Variants in PKHD1L1 observed in about 807,000 individuals in gnomAD.
PKHD1L1 encodes the protein fibrocystin-L.
In PKHD1L1, 434 loss-of-function variants were observed where a neutral mutation model predicts 462.9. The observed-to-expected ratio is 0.94, with a 90% CI of 0.87 to 1.02. The LOEUF (loss-of-function observed/expected upper bound fraction) is 1.02. Ranked by LOEUF, PKHD1L1 falls within the 50% of genes least tolerant of loss-of-function variation. PKHD1L1 has a pLI of 0.00. For synonymous variants in PKHD1L1, 1,781 were observed against 1,750.0 expected, an observed-to-expected ratio of 1.02 and a Z score of -0.44; for missense variants, 5,202 against 5,096.1, an observed-to-expected ratio of 1.02 and a Z score of -0.63.
intron 67 of PKHD1L1, among the ~76,000 whole-genome samples, chr8:109,502,366 G>A (rs1238261126): frequency 6.6e-6 from 1 of 152,170 alleles, no homozygotes; most frequent in Non-Finnish European, 1.5e-5. Flanking sequence ...GTAAGGCTCT[G>A]TTGAGGTCCC....
chr8:109,400,388 T>C (rs754823471), intron 13 of PKHD1L1, 44 bp downstream of exon 13: 2 of 1,550,302 alleles, frequency 1.3e-6, no homozygotes, highest in South Asian at 1.2e-5. Context: ...AAAAACATTA[T>C]GGTGATATTT....
intron 47 of PKHD1L1, 116 bp from the exon 48 acceptor site, chr8:109,461,656 C>A: frequency 9.0e-7 from 1 of 1,105,092 alleles, no homozygotes; most frequent in East Asian, 2.6e-5. Context: ...TAACTATGTT[C>A]TAGGATGAGG....
intron 59 of PKHD1L1, among the ~76,000 whole-genome samples, chr8:109,489,681 C>T (rs1430347771): frequency 6.6e-6 from 1 of 151,666 alleles, no homozygotes; most frequent in Admixed American, 6.6e-5. Flanking sequence ...TGTGGTCCTC[C>T]AAAGGGCCAC....
Position 109,433,126 on chromosome 8 carries a change from A to T in PKHD1L1, c.3250A>T (p.Ile1084Phe). Reference sequence around the variant, plus strand: ...TTTAGGGTCCTATGAAGAAGGCACAATTCTAACCATAGTGGGTTCTGGATT... The same window carrying T: ...TTTAGGGTCCTATGAAGAAGGCACATTTCTAACCATAGTGGGTTCTGGATT... ...PSQGSYEEGT[I>F]LTIVGSGFSP... Residue 1084 changes from isoleucine (I) to phenylalanine (F), a missense_variant, in exon 28 of 78, where the codon ATT (isoleucine) becomes TTT (phenylalanine). Physicochemically the swap from Ile to Phe is conservative, Grantham distance 21 (BLOSUM62 0). Around this residue, in one of 3 missense-constraint regions of PKHD1L1, gnomAD observed 4,497 missense variants for 4,336.8 expected, o/e 1.04. Transcript: ENST00000378402. 1 of 1,613,268 alleles carries T rather than the reference A, an allele frequency of 6.2e-7. No homozygotes were observed. The highest frequency in any genetic ancestry group is 1.7e-4 in the Middle Eastern group (1 of 6,052).
rs1816058193 is a variant in PKHD1L1 at position 109,445,177 on chromosome 8, G to A, written c.5308G>A (p.Glu1770Lys). The change falls in exon 38 of 78, where the codon GAA becomes AAA. Residue 1770 changes from glutamate (E) to lysine (K), a missense_variant. By Grantham distance (56) the Glu-to-Lys change is moderately conservative. Coordinates refer to ENST00000378402, the MANE Select transcript of PKHD1L1 (RefSeq NM_177531.6). Reference sequence around the variant, plus strand: ...ATCTGTAAAAGTTCTTATTGAAGGAGAAGGTTTGGGGACTGTTTTGGAGGA... The same window carrying A: ...ATCTGTAAAAGTTCTTATTGAAGGAAAAGGTTTGGGGACTGTTTTGGAGGA... ...IGSVKVLIEG[E>K]GLGTVLEDIA... 2.5e-6 allele frequency: 4 copies of A among 1,613,950 alleles called. No homozygotes were observed. Among genetic ancestry groups the A allele is most frequent in the Non-Finnish European group, 3.4e-6 (4 of 1,179,882 alleles).
At chr8:109,368,709 CT>C (rs1369140050) in intron 2 of PKHD1L1, among the ~76,000 whole-genome samples, 10 of 152,186 alleles carry the variant, frequency 6.6e-5, no homozygotes, top group African/African-American at 2.4e-4. Context: ...ATGACAAGTG[CT>C]GGCTTTAATA....
chr8:109,465,689 A>G (rs1817402831), intron 49 of PKHD1L1, among the ~76,000 whole-genome samples: 1 of 152,222 alleles, frequency 6.6e-6, no homozygotes, highest in Non-Finnish European at 1.5e-5. Flanking sequence ...CAATATAGAC[A>G]GACTGTATCT....
chr8:109,408,954 C>T lies in PKHD1L1; in HGVS notation c.1971+748C>T, dbSNP rs143586464. Among the ~76,000 whole-genome samples the T allele has an allele frequency of 3.0e-4, 46 of 152,244 alleles. 1 individual carries two copies. In the East Asian group the frequency reaches 8.5e-3, roughly 28 times the overall value. On this transcript the variant is annotated intron_variant, in intron 18 of 77. Coordinates refer to ENST00000378402, the MANE Select transcript of PKHD1L1 (RefSeq NM_177531.6). The stretch of plus-strand genomic sequence containing the variant: ...GAAAGGGAAGATCTTAGGTCTGTGC[C>T]AACAGGGCCTAATGTATCTCCATAG...
intron 56 of PKHD1L1, among the ~76,000 whole-genome samples, 181 bp from the exon 57 acceptor site, chr8:109,482,806 G>C (rs563415770): frequency 5.9e-5 from 9 of 151,592 alleles, no homozygotes; most frequent in Admixed American, 2.0e-4. Context: ...CCAGATTTCC[G>C]GAAGTGGGTT....
chr8:109,390,508 TA>T lies in PKHD1L1; in HGVS notation c.740+17del. ...TGATTATGGAAGGTAGGCTATTTTGTAAATAATAACTTTTATAATTGATTCA... is the reference window on the plus strand; with the variant it reads ...TGATTATGGAAGGTAGGCTATTTTGTAATAATAACTTTTATAATTGATTCA... On this transcript the variant is annotated intron_variant, in intron 9 of 77. Coordinates refer to ENST00000378402, the MANE Select transcript of PKHD1L1 (RefSeq NM_177531.6). 1 of 1,382,126 alleles carries T rather than the reference TA, an allele frequency of 7.2e-7. No homozygotes were observed. The highest frequency in any genetic ancestry group is 1.4e-5 in the South Asian group (1 of 69,274). 85.6% of individuals were successfully genotyped at this position (1,382,126 alleles called of 1,614,324 possible).
chr8:109,465,303 C>A lies in PKHD1L1; in HGVS notation c.8413+58C>A, dbSNP rs1228584190. On this transcript the variant is annotated intron_variant, in intron 49 of 77. Coordinates refer to ENST00000378402, the MANE Select transcript of PKHD1L1 (RefSeq NM_177531.6). ...CATTGGAAATATGTTTGTGTTAGCA[C>A]AGAATTGAATTGTTAAAGCAGACTT... The A allele has an allele frequency of 3.3e-6, 5 of 1,534,268 alleles. No homozygotes were observed. The Admixed American group carries it at 7.7e-5, about 24-fold the overall frequency.
Position 109,474,257 on chromosome 8 carries a change from A to T in PKHD1L1, c.8606-861A>T, listed in dbSNP as rs183247403. ...AGCTTCTTCCTCCTAAATTTTTAAA[A>T]TAAGAGGTTGTTACTTTAATATAAA... On this transcript the variant is annotated intron_variant, in intron 50 of 77. Transcript: ENST00000378402. Among the ~76,000 whole-genome samples the T allele has an allele frequency of 3.9e-4, 60 of 152,336 alleles. No individual in the cohort carries two copies. The East Asian group carries it at 0.011, about 27-fold the overall frequency.
rs1684659744 is a variant in PKHD1L1 at position 109,533,216 on chromosome 8, C to G, written c.*3126C>G. The stretch of plus-strand genomic sequence containing the variant: ...TGGTTTCTACTTTACCACTTCTATG[C>G]CCTCAGGCAAGTTCTTAGTTTCCAT... On this transcript the variant is annotated 3_prime_UTR_variant, in exon 78 of 78. Coordinates refer to ENST00000378402, the MANE Select transcript of PKHD1L1 (RefSeq NM_177531.6). 3.3e-5 allele frequency among the ~76,000 whole-genome samples: 5 copies of G among 152,250 alleles called. No homozygotes were observed. Among genetic ancestry groups the G allele is most frequent in the Admixed American group, 3.3e-4 (5 of 15,286 alleles).
At chr8:109,490,916 A>T (rs1818790830) in intron 60 of PKHD1L1, 56 bp from the exon 61 acceptor site, 5 of 1,408,896 alleles carry the variant, frequency 3.5e-6, no homozygotes, top group Non-Finnish European at 4.7e-6. Flanking sequence ...TTCAATTTTT[A>T]AAAATATATT....
chr8:109,423,172 CT>C, intron 23 of PKHD1L1, among the ~76,000 whole-genome samples: 1 of 148,926 alleles, frequency 6.7e-6, no homozygotes, highest in African/African-American at 2.5e-5. Flanking sequence ...TTTTTTTTTT[CT>C]TTTTTGAACG....
intron 56 of PKHD1L1, among the ~76,000 whole-genome samples, chr8:109,481,788 C>T (rs1229571119): frequency 2.0e-5 from 3 of 151,638 alleles, no homozygotes; most frequent in Non-Finnish European, 4.4e-5. Flanking sequence ...CAGGTTAAAA[C>T]AGATATAAAT....
intron 23 of PKHD1L1, among the ~76,000 whole-genome samples, chr8:109,421,502 G>A (rs1814461911): frequency 6.6e-6 from 1 of 152,046 alleles, no homozygotes; most frequent in East Asian, 1.9e-4. Flanking sequence ...ATAATAACTG[G>A]CCGGGCGCGG....
rs201319078 is a variant in PKHD1L1 at position 109,472,253 on chromosome 8, TA to T, written c.8606-2857del. Among the ~76,000 whole-genome samples, 612 of 152,030 alleles carry T rather than the reference TA, an allele frequency of 4.0e-3. 20 individuals carry two copies. In the East Asian group the frequency reaches 0.084, roughly 21 times the overall value. Reference sequence around the variant, plus strand: ...AGCATGAATAAAATTAAGTTAAACATAAAAAAAATAAAGTATATATTCCTTT... The same window carrying T: ...AGCATGAATAAAATTAAGTTAAACATAAAAAAATAAAGTATATATTCCTTT... On this transcript the variant is annotated intron_variant, in intron 50 of 77. Transcript: ENST00000378402.
intron 41 of PKHD1L1, 110 bp downstream of exon 41, chr8:109,451,259 C>T: frequency 8.6e-7 from 1 of 1,162,612 alleles, no homozygotes; most frequent in Non-Finnish European, 1.2e-6. Flanking sequence ...CAATGTGTAC[C>T]TATATGCTCG....
Sources: allele counts gnomAD v4.1 joint callset (sites outside exome capture counted in the v4.1 genomes callset), GRCh38; gene constraint gnomAD v4.1.1; regional missense constraint gnomAD v4.1.1; transcripts MANE v1.5; gene names NCBI Gene and HGNC (gene_info 2026-07-23, HGNC 2026-07-21).